Variants in STK4 observed in about 807,000 individuals in gnomAD.
The protein encoded by STK4 is serine/threonine kinase 4, also known as serine/threonine-protein kinase 4.
A neutral mutation model predicts 64.9 loss-of-function variants in STK4; 30 were observed. The observed-to-expected ratio is 0.46, with a 90% CI of 0.35 to 0.63. The LOEUF (loss-of-function observed/expected upper bound fraction) is 0.63. STK4 is among the 20% of genes least tolerant of loss of function. The pLI is 0.01. For synonymous variants in STK4, 177 were observed against 199.0 expected, an observed-to-expected ratio of 0.89 and a Z score of 0.93; for missense variants, 466 against 598.5, an observed-to-expected ratio of 0.78 and a Z score of 2.31.
rs566323433 is a variant in STK4, at chr20:44,976,698, A to G, written c.117-1745A>G. On this transcript the variant is annotated intron_variant, in intron 2 of 10. Transcript: ENST00000372806. ...GCTAATTTATCAAGAATGCCTTTGG[A>G]TGGAAGTAACAATACCCAACAAACA... Among the ~76,000 whole-genome samples the G allele has an allele frequency of 6.6e-5, 10 of 152,336 alleles. No homozygotes were observed. The East Asian group carries it at 9.6e-4, about 15-fold the overall frequency.
intron 9 of STK4, among the ~76,000 whole-genome samples, chr20:45,016,668 A>G (rs1041104461): frequency 6.6e-6 from 1 of 152,200 alleles, no homozygotes; most frequent in Non-Finnish European, 1.5e-5. Flanking sequence ...TTAGGATATG[A>G]AAGTACCAGA....
Position 45,075,059 on chromosome 20 carries a change from G to A in STK4, c.1347G>A (p.Leu449=), listed in dbSNP as rs755446031. Residue 449 remains leucine, a synonymous_variant, in exon 11 of 11, where the codon TTG becomes TTA. Coordinates refer to ENST00000372806, the MANE Select transcript of STK4 (RefSeq NM_006282.5). ...TGGAGGACCTTCAGAAGAGGCTCTT[G>A]GCCCTGGACCCCATGATGGAGCAGG... ...WTVEDLQKRL[L]ALDPMMEQEI... is the part of the protein sequence containing the mutation. The A allele has an allele frequency of 1.2e-6, 2 of 1,614,012 alleles. No individual in the cohort carries two copies. Among genetic ancestry groups the A allele is most frequent in the Admixed American group, 3.3e-5 (2 of 59,992 alleles).
At chr20:44,993,461 A>G (rs1033437675) in intron 5 of STK4, among the ~76,000 whole-genome samples, 1 of 152,228 alleles carries the variant, frequency 6.6e-6, no homozygotes, top group East Asian at 1.9e-4. Flanking sequence ...AATTTTGACT[A>G]TCACCATTTG....
chr20:45,072,900 C>T (rs1980194878), intron 10 of STK4, among the ~76,000 whole-genome samples: 1 of 152,156 alleles, frequency 6.6e-6, no homozygotes, highest in Non-Finnish European at 1.5e-5. Context: ...TACTATCTGC[C>T]CAACACATAC....
At chr20:44,973,214 A>G (rs1295544776) in intron 2 of STK4, 1 of 152,250 alleles carries the variant, frequency 6.6e-6, no homozygotes. Flanking sequence ...CAGATTTACA[A>G]CGTTAAACCC....
intron 10 of STK4, among the ~76,000 whole-genome samples, chr20:45,058,023 G>T (rs950008396): frequency 1.0e-4 from 15 of 150,260 alleles, no homozygotes; most frequent in Middle Eastern, 3.2e-3. Flanking sequence ...ATGAACAAAT[G>T]ATAAAAACTT....
At chr20:45,046,079 T>C (rs2068690204) in intron 10 of STK4, among the ~76,000 whole-genome samples, 3 of 152,038 alleles carry the variant, frequency 2.0e-5, no homozygotes, top group African/African-American at 4.8e-5. Context: ...AGTGCTGGGA[T>C]TATAGGCCTG....
intron 6 of STK4, among the ~76,000 whole-genome samples, chr20:44,995,655 G>A (rs998603798): frequency 6.8e-6 from 1 of 146,884 alleles, no homozygotes; most frequent in African/African-American, 2.5e-5. Context: ...TGTTTAAGTT[G>A]CAAACAATAA....
chr20:45,035,983 T>TA (rs3216488), intron 10 of STK4, among the ~76,000 whole-genome samples: 24,714 of 152,050 alleles, frequency 0.16, 2,632 homozygotes, highest in East Asian at 0.35. Context: ...ATTTTAGGGG[T>TA]AAAAAAACTG....
At chr20:45,003,370 T>C (rs1186517088) in intron 9 of STK4, among the ~76,000 whole-genome samples, 2 of 152,198 alleles carry the variant, frequency 1.3e-5, no homozygotes, top group Non-Finnish European at 2.9e-5. Context: ...TGGTGTTAGA[T>C]AATTCACTTT....
chr20:45,055,922 G>A (rs573637508), intron 10 of STK4, among the ~76,000 whole-genome samples: 5 of 151,810 alleles, frequency 3.3e-5, no homozygotes, highest in African/African-American at 7.3e-5. Flanking sequence ...TAGGAGAGAC[G>A]GGGTTTCACC....
intron 10 of STK4, among the ~76,000 whole-genome samples, chr20:45,030,210 A>G (rs755483613): frequency 6.6e-5 from 10 of 151,374 alleles, no homozygotes; most frequent in Non-Finnish European, 1.5e-4. Flanking sequence ...GGGTTCAAGC[A>G]CTTCTCTGCC....
intron 10 of STK4, 138 bp from the exon 11 acceptor site, chr20:45,074,880 A>G: frequency 1.1e-6 from 1 of 950,874 alleles, no homozygotes; most frequent in East Asian, 2.5e-5. Context: ...TCCAACCACC[A>G]CCACTCAACC....
chr20:44,982,831 G>C (rs557741199), intron 4 of STK4, among the ~76,000 whole-genome samples: 11 of 149,132 alleles, frequency 7.4e-5, no homozygotes, highest in African/African-American at 2.6e-4. Flanking sequence ...AGTGTACTTC[G>C]GAATAGGGCA....
chr20:44,975,312 C>T, intron 2 of STK4: 1 of 977,422 alleles, frequency 1.0e-6, no homozygotes, highest in Non-Finnish European at 1.2e-6. Flanking sequence ...CACCCCCTAT[C>T]CCTGCCTTCA....
In STK4 at chr20:44,981,927, G is replaced by A. The variant is rs1425040490; in HGVS notation, c.344G>A (p.Arg115Gln). ...GCTGGTTCTGTATCTGATATCATTCGATTACGAAATAAAACGGTAGGTTTA... is the reference window on the plus strand; with the variant it reads ...GCTGGTTCTGTATCTGATATCATTCAATTACGAAATAAAACGGTAGGTTTA... ...CGAGSVSDII[R>Q]LRNKTLTEDE... Residue 115 changes from arginine to glutamine, a missense_variant, in exon 4 of 11, where the codon CGA (arginine) becomes CAA (glutamine). Arg to Gln is a conservative substitution (Grantham distance 43, BLOSUM62 1). Around this residue, in one of 2 missense-constraint regions of STK4, gnomAD observed 190 missense variants for 289.7 expected, o/e 0.66. Coordinates refer to ENST00000372806, the MANE Select transcript of STK4 (RefSeq NM_006282.5). 12 of 1,612,634 alleles carry A rather than the reference G, an allele frequency of 7.4e-6. No individual in the cohort carries two copies. Among genetic ancestry groups the A allele is most frequent in the East Asian group, 2.2e-5 (1 of 44,858 alleles).
In STK4 at chr20:45,075,387, A is replaced by G; in HGVS notation, c.*211A>G. The G allele has an allele frequency of 3.8e-6, 2 of 532,630 alleles. No homozygotes were observed. The highest frequency in any genetic ancestry group is 3.1e-5 in the East Asian group (1 of 31,808). The allele number at this position is 532,630 out of a possible 1,614,324, so 33.0% of individuals were successfully genotyped here. On this transcript the variant is annotated 3_prime_UTR_variant, in exon 11 of 11. Transcript: ENST00000372806. ...GTACATTGGTCAGGTATATTATCTC[A>G]AAGGATTTATATTGGCGCTTTTAAC...
intron 9 of STK4, among the ~76,000 whole-genome samples, chr20:45,023,262 C>T (rs1261203841): frequency 6.6e-6 from 1 of 152,154 alleles, no homozygotes; most frequent in Non-Finnish European, 1.5e-5. Flanking sequence ...AAACCATTGG[C>T]AGTCTGTGGA....
At chr20:45,013,062 G>C (rs781255432) in intron 9 of STK4, among the ~76,000 whole-genome samples, 60 of 146,996 alleles carry the variant, frequency 4.1e-4, no homozygotes, top group Non-Finnish European at 8.2e-4. Context: ...ACCTCCCAAA[G>C]TACTGGGATT....
Sources: allele counts gnomAD v4.1 joint callset (sites outside exome capture counted in the v4.1 genomes callset), GRCh38; gene constraint gnomAD v4.1.1; regional missense constraint gnomAD v4.1.1; transcripts MANE v1.5; gene names NCBI Gene and HGNC (gene_info 2026-07-23, HGNC 2026-07-21).